Variants in TAOK3 observed in about 807,000 individuals in gnomAD.
The protein encoded by TAOK3 is TAO kinase 3, also known as serine/threonine-protein kinase TAO3.
In TAOK3, 40 loss-of-function variants were observed where a neutral mutation model predicts 120.4. That is an observed-to-expected ratio of 0.33 (90% confidence interval 0.26 to 0.43). The LOEUF (loss-of-function observed/expected upper bound fraction) is 0.43. TAOK3 is among the 20% of genes least tolerant of loss of function. The pLI is 1.00. For synonymous variants in TAOK3, 355 were observed against 387.5 expected, an observed-to-expected ratio of 0.92 and a Z score of 0.99; for missense variants, 821 against 1,112.1, an observed-to-expected ratio of 0.74 and a Z score of 3.72.
At chr12:118,182,236 A>T (rs2036777263) in intron 14 of TAOK3, among the ~76,000 whole-genome samples, 1 of 152,120 alleles carries the variant, frequency 6.6e-6, no homozygotes. Context: ...ATATGTTTAC[A>T]TATTTTTGAT....
At chr12:118,189,669 AAATT>A (rs2037314630) in intron 14 of TAOK3, 134 bp downstream of exon 14, 2 of 1,115,866 alleles carry the variant, frequency 1.8e-6, no homozygotes, top group East Asian at 2.4e-5. Context: ...AAAATGAATA[AAATT>A]ATTAGGAGAG....
intron 1 of TAOK3, among the ~76,000 whole-genome samples, chr12:118,305,171 A>G (rs2043005606): frequency 6.6e-6 from 1 of 152,208 alleles, no homozygotes; most frequent in South Asian, 2.1e-4. Flanking sequence ...GGTGGCATGC[A>G]TAGAATAAGC....
rs552612112 is a variant in TAOK3 at position 118,266,039 on chromosome 12, G to A, written c.-89+616C>T. On this transcript the variant is annotated intron_variant, in intron 2 of 20. Transcript: ENST00000392533. ...AACTATAAACTACCAACAAAAAAAT[G>A]GCAATATATATATTTCCAGAAAATA... Among the ~76,000 whole-genome samples, 3 of 152,044 alleles carry A rather than the reference G, an allele frequency of 2.0e-5. No individual in the cohort carries two copies. In the South Asian group the frequency reaches 6.2e-4, roughly 32 times the overall value.
Position 118,165,048 on chromosome 12 carries a change from G to GA in TAOK3, c.1900-3022dup, listed in dbSNP as rs561597172. 1.3e-3 allele frequency among the ~76,000 whole-genome samples: 191 copies of GA among 152,266 alleles called. 1 individual carries two copies. The highest frequency in any genetic ancestry group is 2.5e-3 in the Non-Finnish European group (169 of 68,014). On this transcript the variant is annotated intron_variant, in intron 17 of 20. Coordinates refer to ENST00000392533, the MANE Select transcript of TAOK3 (RefSeq NM_016281.4). ...CACCCCCTCAGCGACCTTATAAGGA[G>GA]AAAAAACCCAAAGTATAAATACAAT...
intron 2 of TAOK3, among the ~76,000 whole-genome samples, chr12:118,260,643 T>C (rs1231328548): frequency 1.3e-5 from 2 of 152,118 alleles, no homozygotes; most frequent in African/African-American, 4.8e-5. Flanking sequence ...ACAGACAAAA[T>C]ATAAACAGAT....
intron 16 of TAOK3, 104 bp from the exon 17 acceptor site, chr12:118,172,764 T>A: frequency 1.9e-6 from 2 of 1,069,476 alleles, no homozygotes; most frequent in Non-Finnish European, 2.8e-6. Flanking sequence ...AATGCAGATG[T>A]AAGCACAGAA....
intron 1 of TAOK3, among the ~76,000 whole-genome samples, chr12:118,356,295 CTTTTTTTTTT>C (rs949021724): frequency 1.8e-5 from 2 of 109,338 alleles, no homozygotes; most frequent in Non-Finnish European, 3.6e-5. Context: ...TGGTCACTTT[CTTTTTTTTTT>C]TTTTTTTTTT....
At chr12:118,212,034 T>A (rs1281512281) in intron 11 of TAOK3, among the ~76,000 whole-genome samples, 3 of 152,218 alleles carry the variant, frequency 2.0e-5, no homozygotes, top group African/African-American at 7.2e-5. Context: ...ACCATACTCC[T>A]GTGGCCTACC....
intron 13 of TAOK3, among the ~76,000 whole-genome samples, chr12:118,197,921 T>A (rs141025211): frequency 2.6e-5 from 4 of 152,204 alleles, no homozygotes; most frequent in Admixed American, 6.5e-5. Flanking sequence ...TCTCCTGACC[T>A]CGTGATCCGC....
intron 1 of TAOK3, among the ~76,000 whole-genome samples, chr12:118,307,301 A>C (rs1350829419): frequency 6.6e-6 from 1 of 151,948 alleles, no homozygotes; most frequent in Non-Finnish European, 1.5e-5. Flanking sequence ...CTCAGATCTA[A>C]CCAGTAGTCT....
intron 10 of TAOK3, among the ~76,000 whole-genome samples, chr12:118,213,808 C>A (rs1337735425): frequency 6.6e-6 from 1 of 152,090 alleles, no homozygotes; most frequent in African/African-American, 2.4e-5. Flanking sequence ...GAACACAGTG[C>A]AAGCCATGGT....
At chr12:118,218,564 A>G (rs546190138) in intron 9 of TAOK3, among the ~76,000 whole-genome samples, 2 of 152,342 alleles carry the variant, frequency 1.3e-5, no homozygotes, top group African/African-American at 4.8e-5. Context: ...TGTTTAGAAA[A>G]TAATGAGAAG....
At chr12:118,279,787 CAG>C (rs1417599191) in intron 1 of TAOK3, among the ~76,000 whole-genome samples, 1 of 144,806 alleles carries the variant, frequency 6.9e-6, no homozygotes, top group Admixed American at 7.0e-5. Context: ...TTTTTTGAGA[CAG>C]AGTCTTGCAC....
At chr12:118,204,255 GAAA>G (rs71069431) in intron 11 of TAOK3, among the ~76,000 whole-genome samples, 4 of 111,668 alleles carry the variant, frequency 3.6e-5, no homozygotes, top group Non-Finnish European at 1.8e-5. Flanking sequence ...TGACAGAATG[GAAA>G]AAAAAAAAAA....
intron 14 of TAOK3, among the ~76,000 whole-genome samples, chr12:118,186,843 G>T (rs1205546828): frequency 1.3e-5 from 2 of 152,152 alleles, no homozygotes; most frequent in Non-Finnish European, 2.9e-5. Context: ...CAACTGTGCA[G>T]CAGTGCATAA....
At chr12:118,189,326 T>A (rs2037274086) in intron 14 of TAOK3, among the ~76,000 whole-genome samples, 1 of 152,206 alleles carries the variant, frequency 6.6e-6, no homozygotes, top group African/African-American at 2.4e-5. Flanking sequence ...TATCTTTTGA[T>A]GTGTGTGTAT....
At chr12:118,232,050 T>C (rs1002143685) in intron 9 of TAOK3, among the ~76,000 whole-genome samples, 1 of 152,240 alleles carries the variant, frequency 6.6e-6, no homozygotes, top group African/African-American at 2.4e-5. Flanking sequence ...AGCTAGCACA[T>C]ACTGGCTTTG....
intron 4 of TAOK3, 104 bp downstream of exon 4, chr12:118,244,790 A>G: frequency 2.6e-6 from 2 of 765,006 alleles, no homozygotes; most frequent in South Asian, 1.4e-5. Context: ...GGCCTCGCAA[A>G]GTGCTGGGAT....
intron 1 of TAOK3, among the ~76,000 whole-genome samples, chr12:118,369,385 T>C (rs1357176637): frequency 1.2e-4 from 18 of 152,192 alleles, no homozygotes; most frequent in Admixed American, 1.2e-3. Flanking sequence ...CTGCAAAGAA[T>C]CTCTCTTTAA....
Sources: allele counts gnomAD v4.1 joint callset (sites outside exome capture counted in the v4.1 genomes callset), GRCh38; gene constraint gnomAD v4.1.1; transcripts MANE v1.5; gene names NCBI Gene and HGNC (gene_info 2026-07-23, HGNC 2026-07-21).